The following CBFA2T3 variants were observed in gnomAD, a reference collection of about 807,000 sequenced individuals.
The protein encoded by CBFA2T3 is transcriptional corepressor CBFA2T3.
CBFA2T3 carries 31 observed loss-of-function variants against 58.6 expected under a neutral mutation model. The observed-to-expected ratio is 0.53, with a 90% CI of 0.40 to 0.71. The LOEUF (loss-of-function observed/expected upper bound fraction) is 0.71. Among genes scored for constraint, CBFA2T3 ranks in the 30% least tolerant of loss-of-function variants. The pLI is 0.00. For missense variants in CBFA2T3, 1,076 were observed against 963.1 expected, an observed-to-expected ratio of 1.12 and a Z score of -1.55; for synonymous variants, 531 against 421.9, an observed-to-expected ratio of 1.26 and a Z score of -3.17.
Position 88,927,289 on chromosome 16 carries a change from A to C in CBFA2T3, c.152-25633T>G, listed in dbSNP as rs920109123. 2.6e-5 allele frequency among the ~76,000 whole-genome samples: 4 copies of C among 152,316 alleles called. No individual in the cohort carries two copies. The East Asian group carries it at 5.8e-4, about 22-fold the overall frequency. On this transcript the variant is annotated intron_variant, in intron 1 of 11. Coordinates refer to ENST00000268679, the MANE Select transcript of CBFA2T3 (RefSeq NM_005187.6). ...CGGGTCCCGCCCTGCCCTCGGGTGC[A>C]TGGACTTCCCCAGGCAGCACTGATG...
rs150764345 is a variant in CBFA2T3 at position 88,913,770 on chromosome 16, C to T, written c.152-12114G>A. ...ATGAGAATGACAAACGGAATAAATA[C>T]GATGACTCCTCAGAGAGGGCTGGGT... On this transcript the variant is annotated intron_variant, in intron 1 of 11. Transcript: ENST00000268679. Among the ~76,000 whole-genome samples, 589 of 152,292 alleles carry T rather than the reference C, an allele frequency of 3.9e-3. 3 individuals are homozygous for T. The highest frequency in any genetic ancestry group is 0.013 in the African/African-American group (538 of 41,554).
At chr16:88,963,811 C>T (rs1972427335) in intron 1 of CBFA2T3, among the ~76,000 whole-genome samples, 1 of 152,244 alleles carries the variant, frequency 6.6e-6, no homozygotes, top group African/African-American at 2.4e-5. Context: ...CAGGGTTCTG[C>T]GGGATCCTGG....
At chr16:88,898,910 C>T (rs1026060432) in intron 2 of CBFA2T3, among the ~76,000 whole-genome samples, 5 of 152,180 alleles carry the variant, frequency 3.3e-5, no homozygotes, top group African/African-American at 1.2e-4. Flanking sequence ...AAGTCAGTGG[C>T]GCAGGCCACA....
chr16:88,963,360 T>C (rs977345521), intron 1 of CBFA2T3, among the ~76,000 whole-genome samples: 10 of 147,976 alleles, frequency 6.8e-5, no homozygotes, highest in African/African-American at 2.5e-4. Context: ...TTTAAGAATG[T>C]TAAGATCTTT....
chr16:88,887,614 C>CA (rs2142562871), intron 5 of CBFA2T3, among the ~76,000 whole-genome samples: 1 of 152,230 alleles, frequency 6.6e-6, no homozygotes, highest in Non-Finnish European at 1.5e-5. Flanking sequence ...CAGCAGCCCT[C>CA]GGCAAGCAGG....
intron 1 of CBFA2T3, among the ~76,000 whole-genome samples, chr16:88,912,271 C>T (rs922185463): frequency 6.6e-6 from 1 of 152,208 alleles, no homozygotes; most frequent in Admixed American, 6.5e-5. Flanking sequence ...ATAGCTGCAC[C>T]CTGCAAGTGA....
rs1306864484 is a variant in CBFA2T3 at position 88,968,562 on chromosome 16, A to T, written c.151+8095T>A. ...TGGCATCTTCTGTCACCTGCTGGTG[A>T]CCTTTTAGAACACGTGGTCCCAACC... On this transcript the variant is annotated intron_variant, in intron 1 of 11. Transcript: ENST00000268679. Among the ~76,000 whole-genome samples the T allele has an allele frequency of 4.6e-5, 7 of 152,162 alleles. No individual in the cohort carries two copies. In the East Asian group the frequency reaches 1.3e-3, roughly 29 times the overall value.
intron 7 of CBFA2T3, chr16:88,884,232 G>A (rs986854307): frequency 6.6e-6 from 1 of 152,290 alleles, no homozygotes; most frequent in African/African-American, 2.4e-5. Context: ...GGGGCTGGGA[G>A]ATGGCCTTGT....
chr16:88,934,960 T>G (rs1971449015), intron 1 of CBFA2T3, among the ~76,000 whole-genome samples: 1 of 152,186 alleles, frequency 6.6e-6, no homozygotes, highest in Non-Finnish European at 1.5e-5. Context: ...CAGGATGGTC[T>G]CGATCTCCTG....
rs75949877 is a variant in CBFA2T3, at chr16:88,923,050, C to G, written c.152-21394G>C. ...CCCCAGCGCCCTCACCTAGCGCACC[C>G]CAGCTGCCTGCTCCCACCAGGTCCC... On this transcript the variant is annotated intron_variant, in intron 1 of 11. Transcript: ENST00000268679. Among the ~76,000 whole-genome samples, 296 of 152,352 alleles carry G rather than the reference C, an allele frequency of 1.9e-3. 2 individuals carry two copies. Among genetic ancestry groups the G allele is most frequent in the African/African-American group, 6.7e-3 (280 of 41,584 alleles).
intron 1 of CBFA2T3, among the ~76,000 whole-genome samples, chr16:88,924,586 G>T (rs1227500806): frequency 6.6e-6 from 1 of 152,296 alleles, no homozygotes; most frequent in East Asian, 1.9e-4. Context: ...GGGCCTCGAA[G>T]CAGCTGGAAG....
At chr16:88,887,594 G>A (rs1423952574) in intron 5 of CBFA2T3, among the ~76,000 whole-genome samples, 1 of 152,148 alleles carries the variant, frequency 6.6e-6, no homozygotes, top group Non-Finnish European at 1.5e-5. Flanking sequence ...CAGCGTAGGG[G>A]CCGGATGCAC....
intron 1 of CBFA2T3, among the ~76,000 whole-genome samples, chr16:88,908,739 G>A (rs955132363): frequency 2.0e-5 from 3 of 152,220 alleles, no homozygotes; most frequent in Non-Finnish European, 4.4e-5. Context: ...CCCTGCTTCC[G>A]CTGTAACCTT....
At chr16:88,901,420 C>T (rs1234297642) in intron 2 of CBFA2T3, 84 bp downstream of exon 2, 9 of 682,200 alleles carry the variant, frequency 1.3e-5, no homozygotes, top group Admixed American at 6.4e-5. Flanking sequence ...CCGCTGGCTC[C>T]GGGCAGGAAG....
At position 88,910,202 on chromosome 16, in the gene CBFA2T3, C is replaced by T. The variant is rs113443833; in HGVS notation, c.152-8546G>A. On this transcript the variant is annotated intron_variant, in intron 1 of 11. Coordinates refer to ENST00000268679, the MANE Select transcript of CBFA2T3 (RefSeq NM_005187.6). ...TGTTTCTGCAGGGAATGCACTTCCA[C>T]CAGGTCCCCGCAAGTCTGCCTCTCA... 4.2e-3 allele frequency among the ~76,000 whole-genome samples: 641 copies of T among 152,356 alleles called. 4 individuals carry two copies. Among genetic ancestry groups the T allele is most frequent in the African/African-American group, 0.015 (615 of 41,574 alleles).
intron 1 of CBFA2T3, among the ~76,000 whole-genome samples, chr16:88,927,578 G>A (rs1357629358): frequency 2.6e-5 from 4 of 152,154 alleles, no homozygotes; most frequent in African/African-American, 9.7e-5. Context: ...CGCCACCCAG[G>A]TACCAGCCTG....
At chr16:88,933,003 C>CT (rs2142775051) in intron 1 of CBFA2T3, among the ~76,000 whole-genome samples, 1 of 152,174 alleles carries the variant, frequency 6.6e-6, no homozygotes, top group African/African-American at 2.4e-5. Flanking sequence ...GAAAAATGGC[C>CT]TCTTGGGCCA....
intron 3 of CBFA2T3, among the ~76,000 whole-genome samples, chr16:88,894,994 G>A (rs1223378218): frequency 6.6e-6 from 1 of 152,166 alleles, no homozygotes; most frequent in Non-Finnish European, 1.5e-5. Context: ...GGCCAGCCCT[G>A]CCCATCCTGA....
Position 88,958,119 on chromosome 16 carries a change from C to T in CBFA2T3, c.151+18538G>A, listed in dbSNP as rs559767787. On this transcript the variant is annotated intron_variant, in intron 1 of 11. Coordinates refer to ENST00000268679, the MANE Select transcript of CBFA2T3 (RefSeq NM_005187.6). This position sits in a 1 kb window ranked among gnomAD's most constrained non-coding sequence, Gnocchi z 4.0. ...CTTTGTCAGCGCACCAGGGCAGTAG[C>T]GGGATGGGTGTCAAGGCCGTGCACA... Among the ~76,000 whole-genome samples, 4 of 152,232 alleles carry T rather than the reference C, an allele frequency of 2.6e-5. No individual in the cohort carries two copies. Among genetic ancestry groups the T allele is most frequent in the East Asian group, 3.9e-4 (2 of 5,152 alleles).
Sources: gnomAD v4.1 joint callset for allele counts (sites outside exome capture counted in the v4.1 genomes callset) on GRCh38, gnomAD v4.1.1 for gene constraint, Gnocchi (gnomAD v3.1) non-coding constraint, MANE v1.5 for transcripts, NCBI Gene and HGNC (gene_info 2026-07-23, HGNC 2026-07-21) for gene names.